The following CALN1 variants were observed in gnomAD, a reference collection of about 807,000 sequenced individuals.
CALN1 encodes the protein calcium-binding protein 8.
In CALN1, 17 loss-of-function variants were observed where a neutral mutation model predicts 30.6. The observed-to-expected ratio is 0.56, with a 90% confidence interval of 0.38 to 0.83. The LOEUF is 0.83. Among genes scored for constraint, CALN1 ranks in the 40% least tolerant of loss-of-function variants. The pLI is 0.00. For missense variants in CALN1, 291 were observed against 354.9 expected (o/e 0.82, Z 1.45); for synonymous variants, 156 against 131.4 (o/e 1.19, Z -1.28).
intron 3 of CALN1, among the ~76,000 whole-genome samples, chr7:72,117,813 C>T (rs1048766757): frequency 1.3e-5 from 2 of 151,956 alleles, no homozygotes; most frequent in Admixed American, 6.6e-5. Flanking sequence ...CAAAAATTAG[C>T]CAGGCCTGGT....
chr7:72,377,586 TTTAG>T (rs957949164), intron 2 of CALN1, among the ~76,000 whole-genome samples: 39 of 152,142 alleles, frequency 2.6e-4, no homozygotes, highest in African/African-American at 8.7e-4. Context: ...TGATGCTTAT[TTTAG>T]TTATTGTTTG....
chr7:72,394,439 C>A (rs1053680825), intron 2 of CALN1, among the ~76,000 whole-genome samples: 1 of 152,184 alleles, frequency 6.6e-6, no homozygotes, highest in African/African-American at 2.4e-5. Context: ...CTCTCCAAAG[C>A]ATTGCCTGTG....
intron 2 of CALN1, among the ~76,000 whole-genome samples, chr7:72,283,106 T>C (rs995592041): frequency 6.6e-6 from 1 of 151,820 alleles, no homozygotes; most frequent in African/African-American, 2.4e-5. Flanking sequence ...CAGTGTTAGA[T>C]TTGAATCCTA....
chr7:72,383,463 ATT>A (rs1805031998), intron 2 of CALN1, among the ~76,000 whole-genome samples: 1 of 152,034 alleles, frequency 6.6e-6, no homozygotes, highest in African/African-American at 2.4e-5. Context: ...GAGGTATCTC[ATT>A]ATGGTTTTGA....
intron 5 of CALN1, among the ~76,000 whole-genome samples, chr7:71,949,235 A>G (rs959024524): frequency 5.9e-5 from 9 of 152,176 alleles, no homozygotes; most frequent in South Asian, 2.1e-4. Flanking sequence ...GACTTCCTAG[A>G]GCTAAATCAA....
chr7:71,892,375 G>A (rs762111308), intron 5 of CALN1, among the ~76,000 whole-genome samples: 23 of 152,116 alleles, frequency 1.5e-4, no homozygotes, highest in African/African-American at 5.1e-4. Context: ...AGTGGCTCAC[G>A]CCTGTAATCC....
chr7:72,221,467 G>A (rs145496154), intron 3 of CALN1, among the ~76,000 whole-genome samples: 1,853 of 151,780 alleles, frequency 0.012, 32 homozygotes, highest in African/African-American at 0.042. Flanking sequence ...ACAGGCACCC[G>A]CCATCGTGCC....
chr7:72,278,509 ACACAC>A (rs1413726808), intron 3 of CALN1, among the ~76,000 whole-genome samples, 172 bp downstream of exon 3: 13 of 145,576 alleles, frequency 8.9e-5, no homozygotes, highest in Non-Finnish European at 1.8e-4. Context: ...ACACACACAC[ACACAC>A]GTCACTTGGG....
chr7:71,975,986 G>C (rs1798083428), intron 5 of CALN1, among the ~76,000 whole-genome samples: 1 of 150,796 alleles, frequency 6.6e-6, no homozygotes, highest in Admixed American at 6.6e-5. Flanking sequence ...GCTATATTAA[G>C]GCTTTTAAAA....
chr7:72,053,084 G>T (rs146959020), intron 4 of CALN1, among the ~76,000 whole-genome samples: 268 of 152,298 alleles, frequency 1.8e-3, no homozygotes, highest in African/African-American at 6.0e-3. Context: ...ACAAAAATTG[G>T]CCAGACGTGG....
At chr7:72,144,388 T>C (rs2129543685) in intron 3 of CALN1, among the ~76,000 whole-genome samples, 1 of 152,298 alleles carries the variant, frequency 6.6e-6, no homozygotes. Context: ...GGCCATTACA[T>C]AATGGTAAAG....
At chr7:72,368,140 T>C (rs1004814869) in intron 2 of CALN1, among the ~76,000 whole-genome samples, 7 of 151,384 alleles carry the variant, frequency 4.6e-5, no homozygotes, top group African/African-American at 1.7e-4. Context: ...CATATCTGTA[T>C]CTATATCTAT....
intron 2 of CALN1, among the ~76,000 whole-genome samples, chr7:72,332,648 C>T (rs1016169291): frequency 6.6e-6 from 1 of 152,226 alleles, no homozygotes; most frequent in South Asian, 2.1e-4. Context: ...CTGCCTAATG[C>T]CTGAGTATTC....
At chr7:72,380,441 A>C (rs565939804) in intron 2 of CALN1, among the ~76,000 whole-genome samples, 1 of 152,286 alleles carries the variant, frequency 6.6e-6, no homozygotes, top group South Asian at 2.1e-4. Context: ...TGGACAACAT[A>C]GCAAGACCCC....
At chr7:72,113,974 T>C (rs113205274) in intron 3 of CALN1, among the ~76,000 whole-genome samples, 13 of 152,150 alleles carry the variant, frequency 8.5e-5, no homozygotes, top group African/African-American at 2.6e-4. Flanking sequence ...TAAGCCAGCA[T>C]GGTGGCAGAG....
chr7:72,395,856 G>A (rs1355374740), intron 2 of CALN1, among the ~76,000 whole-genome samples: 1 of 152,156 alleles, frequency 6.6e-6, no homozygotes, highest in African/African-American at 2.4e-5. Context: ...TGGGACCTTG[G>A]CAGGGATGTC....
At chr7:71,903,768 C>T (rs1488566124) in intron 5 of CALN1, among the ~76,000 whole-genome samples, 1 of 152,116 alleles carries the variant, frequency 6.6e-6, no homozygotes, top group East Asian at 1.9e-4. Context: ...AGACAACCTA[C>T]AGAATGGAGG....
intron 3 of CALN1, among the ~76,000 whole-genome samples, chr7:72,176,186 T>C (rs1406421411): frequency 6.6e-6 from 1 of 152,160 alleles, no homozygotes; most frequent in East Asian, 1.9e-4. Flanking sequence ...AAAATAAACC[T>C]GTCTTTGACT....
intron 5 of CALN1, among the ~76,000 whole-genome samples, chr7:71,953,732 G>A (rs74428135): frequency 0.022 from 3,377 of 152,000 alleles, 128 homozygotes; most frequent in African/African-American, 0.076. Context: ...GGGACCCAAG[G>A]GCCAGCAGGA....
Sources: allele counts gnomAD v4.1 joint callset (sites outside exome capture counted in the v4.1 genomes callset), GRCh38; gene constraint gnomAD v4.1.1; transcripts MANE v1.5; gene names NCBI Gene and HGNC (gene_info 2026-07-23, HGNC 2026-07-21).